GRIK1: variants seen among roughly 807,000 people sequenced by gnomAD.
GRIK1 encodes glutamate receptor ionotropic, kainate 1.
Under a neutral mutation model 105.7 loss-of-function variants are expected in GRIK1, and 69 were observed. The ratio of observed to expected loss-of-function variants is 0.65; its 90% confidence interval spans 0.54 to 0.80. GRIK1 has a LOEUF of 0.80. GRIK1 is among the 30% of genes least tolerant of loss of function. The pLI is 0.00. For synonymous variants in GRIK1, 438 were observed against 431.3 expected, an observed-to-expected ratio of 1.02 and a Z score of -0.19; for missense variants, 1,109 against 1,167.3, an observed-to-expected ratio of 0.95 and a Z score of 0.73.
chr21:29,638,534 G>T (rs1340263090), intron 7 of GRIK1, among the ~76,000 whole-genome samples: 1 of 152,158 alleles, frequency 6.6e-6, no homozygotes, highest in Non-Finnish European at 1.5e-5. Context: ...TACCCGTAAA[G>T]TGCAATACAG....
intron 5 of GRIK1, among the ~76,000 whole-genome samples, chr21:29,652,698 T>C (rs2062763334): frequency 6.6e-6 from 1 of 152,226 alleles, no homozygotes; most frequent in Admixed American, 6.5e-5. Context: ...ATATATCACA[T>C]TTCAGAAGAA....
chr21:29,553,615 A>G, intron 16 of GRIK1: 4 of 1,609,264 alleles, frequency 2.5e-6, no homozygotes, highest in Non-Finnish European at 3.4e-6. Flanking sequence ...TTAATTTACC[A>G]CATTCTAAAT....
chr21:29,651,390 T>C, intron 5 of GRIK1, 99 bp from the exon 6 acceptor site: 1 of 757,464 alleles, frequency 1.3e-6, no homozygotes, highest in Non-Finnish European at 2.0e-6. Flanking sequence ...AATACAATGA[T>C]ACCTTTTATC....
chr21:29,823,041 AG>A (rs527245846), intron 1 of GRIK1, among the ~76,000 whole-genome samples: 2 of 152,114 alleles, frequency 1.3e-5, no homozygotes, highest in South Asian at 2.1e-4. Context: ...ATCCTGGATA[AG>A]GTGCTTCAAC....
At chr21:29,636,872 A>G (rs2062408012) in intron 7 of GRIK1, among the ~76,000 whole-genome samples, 1 of 152,164 alleles carries the variant, frequency 6.6e-6, no homozygotes, top group Admixed American at 6.5e-5. Flanking sequence ...TTTGAATTTT[A>G]GCAGACAACT....
chr21:29,756,365 A>G (rs1277499775), intron 1 of GRIK1, among the ~76,000 whole-genome samples: 1 of 152,160 alleles, frequency 6.6e-6, no homozygotes, highest in African/African-American at 2.4e-5. Context: ...TGGGCAACAG[A>G]GCGAGACTCC....
intron 1 of GRIK1, among the ~76,000 whole-genome samples, chr21:29,889,934 C>A (rs563820937): frequency 1.3e-5 from 2 of 152,076 alleles, no homozygotes; most frequent in South Asian, 2.1e-4. Flanking sequence ...TTTTGAATAA[C>A]TGTGTCCTTT....
chr21:29,620,123 T>C (rs2061952707), intron 7 of GRIK1, among the ~76,000 whole-genome samples: 1 of 152,210 alleles, frequency 6.6e-6, no homozygotes, highest in Non-Finnish European at 1.5e-5. Context: ...ATAAAGCCTA[T>C]GATGTTAAGA....
intron 14 of GRIK1, among the ~76,000 whole-genome samples, chr21:29,564,339 G>C (rs1218158870): frequency 1.3e-5 from 2 of 151,980 alleles, no homozygotes; most frequent in Non-Finnish European, 2.9e-5. Context: ...AGTAGAGACG[G>C]GGTTTCACCG....
chr21:29,633,433 G>A (rs1459326360), intron 7 of GRIK1, among the ~76,000 whole-genome samples: 2 of 152,150 alleles, frequency 1.3e-5, no homozygotes, highest in Admixed American at 1.3e-4. Context: ...GGGAGGCAGA[G>A]ATTGCAGTGA....
intron 1 of GRIK1, among the ~76,000 whole-genome samples, chr21:29,827,084 A>G (rs975829069): frequency 6.6e-6 from 1 of 152,122 alleles, no homozygotes; most frequent in Non-Finnish European, 1.5e-5. Context: ...TAAACTTTTC[A>G]ATTTGTTCAA....
chr21:29,769,430 G>A (rs1035979651), intron 1 of GRIK1, among the ~76,000 whole-genome samples: 4 of 152,136 alleles, frequency 2.6e-5, no homozygotes, highest in African/African-American at 9.7e-5. Flanking sequence ...TTTTTCCAAG[G>A]ACTGGAGGTG....
intron 1 of GRIK1, among the ~76,000 whole-genome samples, chr21:29,741,479 C>T (rs985457891): frequency 6.6e-6 from 1 of 152,064 alleles, no homozygotes; most frequent in Non-Finnish European, 1.5e-5. Flanking sequence ...TATTTAGTAT[C>T]TTATCAGCCA....
At chr21:29,699,571 T>TCTATGG (rs2063773410) in intron 1 of GRIK1, among the ~76,000 whole-genome samples, 1 of 152,096 alleles carries the variant, frequency 6.6e-6, no homozygotes, top group South Asian at 2.1e-4. Flanking sequence ...AGCCACCCAG[T>TCTATGG]CTATGGTCTT....
At chr21:29,841,815 G>A (rs1044289503) in intron 1 of GRIK1, among the ~76,000 whole-genome samples, 6 of 151,956 alleles carry the variant, frequency 3.9e-5, no homozygotes, top group Non-Finnish European at 8.8e-5. Context: ...CCTCCCTCTT[G>A]GAAGCATTTT....
chr21:29,539,329 C>T (rs2089933038), intron 16 of GRIK1, among the ~76,000 whole-genome samples: 1 of 152,162 alleles, frequency 6.6e-6, no homozygotes, highest in African/African-American at 2.4e-5. Flanking sequence ...CTTATACACA[C>T]ATGGAACACT....
intron 3 of GRIK1, among the ~76,000 whole-genome samples, chr21:29,677,898 T>A (rs2063302432): frequency 6.6e-6 from 1 of 152,222 alleles, no homozygotes; most frequent in Admixed American, 6.5e-5. Flanking sequence ...ACACAGCCAC[T>A]GCTGAACACC....
chr21:29,725,652 T>C (rs889115074), intron 1 of GRIK1, among the ~76,000 whole-genome samples: 1 of 152,144 alleles, frequency 6.6e-6, no homozygotes, highest in Non-Finnish European at 1.5e-5. Context: ...CATTTAAACG[T>C]CCATAAAACC....
At chr21:29,582,329 A>G (rs1435999351) in intron 12 of GRIK1, 1 of 469,896 alleles carries the variant, frequency 2.1e-6, no homozygotes, top group East Asian at 6.9e-5. Context: ...GCCTGTGGTC[A>G]CTTAATCAGC....
Sources: allele counts gnomAD v4.1 joint callset (sites outside exome capture counted in the v4.1 genomes callset), GRCh38; gene constraint gnomAD v4.1.1; transcripts MANE v1.5; gene names NCBI Gene and HGNC (gene_info 2026-07-23, HGNC 2026-07-21).